Variants in AARS1 observed in about 807,000 individuals in gnomAD.
AARS1 encodes alanine--tRNA ligase, cytoplasmic.
AARS1 carries 72 observed loss-of-function variants against 108.9 expected under a neutral mutation model. The ratio of observed to expected loss-of-function variants is 0.66; its 90% CI spans 0.55 to 0.80. The LOEUF (loss-of-function observed/expected upper bound fraction) is 0.80. Ranked by LOEUF, AARS1 falls within the 30% of genes least tolerant of loss-of-function variation. The pLI, the probability that AARS1 is intolerant of heterozygous loss-of-function variation, is 0.00. For missense variants in AARS1, 1,193 were observed against 1,233.2 expected (o/e 0.97, Z 0.49); for synonymous variants, 489 against 465.7 (o/e 1.05, Z -0.64).
At chr16:70,289,260 A>T (rs1011081000) in intron 1 of AARS1, among the ~76,000 whole-genome samples, 161 bp downstream of exon 1, 2 of 152,106 alleles carry the variant, frequency 1.3e-5, no homozygotes, top group Admixed American at 6.6e-5. Context: ...CCGGGGGCGA[A>T]CGCAAGGCCA....
At chr16:70,265,406 CT>C (rs1960238374) in intron 10 of AARS1, 131 bp downstream of exon 10, 1 of 1,427,016 alleles carries the variant, frequency 7.0e-7, no homozygotes, top group South Asian at 1.2e-5. Flanking sequence ...CTCGCCCCCA[CT>C]TGAGAACCAC....
intron 11 of AARS1, among the ~76,000 whole-genome samples, chr16:70,262,996 A>AAAAAAAAAAAAAAAAAAC (rs1555540563): frequency 1.6e-4 from 21 of 129,134 alleles, no homozygotes; most frequent in Non-Finnish European, 2.5e-4. Context: ...AAAAAAAAAA[A>AAAAAAAAAAAAAAAAAAC]AACAACAACA....
In AARS1 at chr16:70,255,847, G is replaced by C. The variant is rs760545411; in HGVS notation, c.2178-11C>G. On this transcript the variant is annotated splice_polypyrimidine_tract_variant and intron_variant, in intron 15 of 20. Coordinates refer to ENST00000261772, the MANE Select transcript of AARS1 (RefSeq NM_001605.3). ...GAGTTCCGCAGGTGCCTGAATGGCA[G>C]AACACAAAGTCCATAGTGAAAGAGG... 2.5e-6 allele frequency: 4 copies of C among 1,609,998 alleles called. No homozygotes were observed. In the South Asian group the frequency reaches 4.4e-5, roughly 18 times the overall value.
At chr16:70,284,034 A>C (rs1401426053) in intron 1 of AARS1, among the ~76,000 whole-genome samples, 1 of 152,050 alleles carries the variant, frequency 6.6e-6, no homozygotes. Context: ...CAACATAGCA[A>C]GATCTTGTCA....
At chr16:70,275,129 G>A (rs58575154) in intron 4 of AARS1, among the ~76,000 whole-genome samples, 5,233 of 151,516 alleles carry the variant, frequency 0.035, 308 homozygotes, top group African/African-American at 0.12. Context: ...GTGTGGTGGC[G>A]CGCACCTGTA....
At chr16:70,275,934 C>A in intron 4 of AARS1, 1 of 35,984 alleles carries the variant, frequency 2.8e-5, no homozygotes, top group Admixed American at 3.1e-4. Flanking sequence ...AAGACTCCAT[C>A]TCAAAAAAAA....
At chr16:70,287,120 G>A (rs1398903071) in intron 1 of AARS1, among the ~76,000 whole-genome samples, 1 of 151,552 alleles carries the variant, frequency 6.6e-6, no homozygotes, top group South Asian at 2.1e-4. Flanking sequence ...GCGTGGTAGC[G>A]GGCGCCTGTA....
intron 1 of AARS1, among the ~76,000 whole-genome samples, chr16:70,284,236 G>A (rs1455379888): frequency 6.6e-6 from 1 of 151,424 alleles, no homozygotes; most frequent in Non-Finnish European, 1.5e-5. Flanking sequence ...AACCCAGGAG[G>A]TGGAGGTTGC....
intron 11 of AARS1, among the ~76,000 whole-genome samples, chr16:70,263,178 G>C (rs1226343567): frequency 1.3e-5 from 2 of 151,930 alleles, no homozygotes; most frequent in East Asian, 3.9e-4. Context: ...TGGTGCATCA[G>C]ATTAGTAGAT....
intron 9 of AARS1, among the ~76,000 whole-genome samples, chr16:70,267,087 C>T (rs1015109262): frequency 3.3e-5 from 5 of 152,140 alleles, no homozygotes; most frequent in East Asian, 1.9e-4. Context: ...CCGCCCGCCT[C>T]GGCATCCCAA....
intron 17 of AARS1, chr16:70,254,358 A>C: frequency 1.7e-6 from 1 of 583,386 alleles, no homozygotes; most frequent in Non-Finnish European, 3.1e-6. Flanking sequence ...GCCTTAGCCC[A>C]TTCCCCAAAT....
intron 4 of AARS1, among the ~76,000 whole-genome samples, chr16:70,274,976 T>C (rs1960502033): frequency 6.6e-6 from 1 of 151,178 alleles, no homozygotes; most frequent in African/African-American, 2.4e-5. Flanking sequence ...AACAGAATGA[T>C]TGGCTGGGCA....
chr16:70,269,062 G>A (rs1400635055), intron 7 of AARS1, among the ~76,000 whole-genome samples: 1 of 151,996 alleles, frequency 6.6e-6, no homozygotes, highest in African/African-American at 2.4e-5. Context: ...GGTGGCTCAC[G>A]CCTGTAATCC....
chr16:70,257,926 G>A (rs1309930604), intron 15 of AARS1, 107 bp downstream of exon 15: 8 of 1,256,798 alleles, frequency 6.4e-6, no homozygotes, highest in African/African-American at 1.5e-5. Flanking sequence ...CATTTCTGAG[G>A]ACTTCACTTC....
chr16:70,281,717 T>G (rs186053929), intron 2 of AARS1, among the ~76,000 whole-genome samples: 1 of 152,122 alleles, frequency 6.6e-6, no homozygotes, highest in Non-Finnish European at 1.5e-5. Flanking sequence ...GCTGACATGG[T>G]AGAGCATGCC....
rs765323555 is a variant in AARS1, at chr16:70,252,661, A to G, written c.*60T>C. On this transcript the variant is annotated 3_prime_UTR_variant, in exon 21 of 21. Coordinates refer to ENST00000261772, the MANE Select transcript of AARS1 (RefSeq NM_001605.3). Reference sequence around the variant, plus strand: ...GGTCCCAAGATTCAAATGTTCTTGTAGCAGATGAAGAGCTCTTGGCTGGAC... The same window carrying G: ...GGTCCCAAGATTCAAATGTTCTTGTGGCAGATGAAGAGCTCTTGGCTGGAC... The G allele has an allele frequency of 1.9e-6, 3 of 1,574,926 alleles. No individual in the cohort carries two copies. The Admixed American group carries it at 5.0e-5, about 26-fold the overall frequency.
intron 1 of AARS1, among the ~76,000 whole-genome samples, chr16:70,284,354 G>C (rs1261530490): frequency 6.7e-6 from 1 of 149,500 alleles, no homozygotes; most frequent in Non-Finnish European, 1.5e-5. Flanking sequence ...TGTAATCCCA[G>C]CACTTTGAGA....
chr16:70,267,812 G>C lies in AARS1; in HGVS notation c.1072-3C>G. 1.9e-6 allele frequency: 3 copies of C among 1,614,126 alleles called. No homozygotes were observed. The Admixed American group carries it at 5.0e-5, about 27-fold the overall frequency. ...TTCAGCTCAGGAAATGCATCTCCCT[G>C]ACAAAGGGGAAGCAAGATGAGGGGC... On this transcript the variant is annotated splice_region_variant and splice_polypyrimidine_tract_variant and intron_variant, in intron 8 of 20. Transcript: ENST00000261772.
intron 5 of AARS1, among the ~76,000 whole-genome samples, chr16:70,271,456 GCA>G (rs1178135490): frequency 6.6e-6 from 1 of 150,614 alleles, no homozygotes; most frequent in Non-Finnish European, 1.5e-5. Flanking sequence ...TGAACCCAGG[GCA>G]CAGATGTTGC....
Sources: allele counts gnomAD v4.1 joint callset (sites outside exome capture counted in the v4.1 genomes callset), GRCh38; gene constraint gnomAD v4.1.1; transcripts MANE v1.5; gene names NCBI Gene and HGNC (gene_info 2026-07-23, HGNC 2026-07-21).